TRIM55: variants seen among roughly 807,000 people sequenced by gnomAD.
TRIM55 encodes tripartite motif containing 55, also known as tripartite motif-containing protein 55.
A neutral mutation model predicts 60.9 loss-of-function variants in TRIM55; 50 were observed. That is an observed-to-expected ratio of 0.82 (90% CI 0.65 to 1.04). The LOEUF (loss-of-function observed/expected upper bound fraction) is 1.04. Ranked by LOEUF, TRIM55 falls within the 50% of genes least tolerant of loss-of-function variation. The pLI, the probability that TRIM55 is intolerant of heterozygous loss-of-function variation, is 0.00. For missense variants in TRIM55, 681 were observed against 666.9 expected, an observed-to-expected ratio of 1.02 and a Z score of -0.23; for synonymous variants, 237 against 238.1, an observed-to-expected ratio of 1.00 and a Z score of 0.04.
In TRIM55 at chr8:66,149,481, A is replaced by C. The variant is rs377086014; in HGVS notation, c.604-164A>C. Among the ~76,000 whole-genome samples, 4 of 152,250 alleles carry C rather than the reference A, an allele frequency of 2.6e-5. No homozygotes were observed. In the East Asian group the frequency reaches 5.8e-4, roughly 22 times the overall value. Reference sequence around the variant, plus strand: ...CAAATTTGTTAAAAATGGAATTTCCAAAGCACCAACATAGTGGGTATCCAT... The same window carrying C: ...CAAATTTGTTAAAAATGGAATTTCCCAAGCACCAACATAGTGGGTATCCAT... On this transcript the variant is annotated intron_variant, in intron 4 of 9. Transcript: ENST00000315962.
chr8:66,167,143 G>A (rs2128985866), intron 9 of TRIM55, among the ~76,000 whole-genome samples: 1 of 152,232 alleles, frequency 6.6e-6, no homozygotes, highest in East Asian at 1.9e-4. Context: ...CTTTCCCTTT[G>A]GACTTCTGGT....
At chr8:66,167,014 G>A (rs900707085) in intron 9 of TRIM55, among the ~76,000 whole-genome samples, 2 of 152,162 alleles carry the variant, frequency 1.3e-5, no homozygotes, top group Non-Finnish European at 2.9e-5. Flanking sequence ...CTGCAAATGA[G>A]GGCGAGCCGA....
intron 7 of TRIM55, 63 bp downstream of exon 7, chr8:66,150,529 G>A: frequency 6.3e-7 from 1 of 1,597,754 alleles, no homozygotes; most frequent in Admixed American, 1.7e-5. Flanking sequence ...CGAAGAGTTG[G>A]GTGGGAGGAA....
Position 66,154,353 on chromosome 8 carries a change from G to A in TRIM55, c.1524+19G>A, listed in dbSNP as rs367544917. The A allele has an allele frequency of 8.7e-6, 14 of 1,609,820 alleles. No homozygotes were observed. The Admixed American group carries it at 1.0e-4, about 12-fold the overall frequency. The stretch of plus-strand genomic sequence containing the variant: ...TTCTCAGGTTAGTGATGATGCACTT[G>A]TGTCTATGCTTTCCCGCGCCCCCTA... On this transcript the variant is annotated intron_variant, in intron 9 of 9. Coordinates refer to ENST00000315962, the MANE Select transcript of TRIM55 (RefSeq NM_184085.2).
At chr8:66,172,793 A>G (rs1238622692) in intron 9 of TRIM55, among the ~76,000 whole-genome samples, 1 of 152,220 alleles carries the variant, frequency 6.6e-6, no homozygotes, top group Non-Finnish European at 1.5e-5. Flanking sequence ...TGCCTTCAAG[A>G]AAAAGAGGCC....
intron 9 of TRIM55, among the ~76,000 whole-genome samples, chr8:66,169,435 C>T (rs1299942739): frequency 6.6e-6 from 1 of 152,180 alleles, no homozygotes; most frequent in Non-Finnish European, 1.5e-5. Context: ...TAAAAAAAAT[C>T]ACTCATCACA....
intron 9 of TRIM55, among the ~76,000 whole-genome samples, chr8:66,173,902 T>C (rs1811777491): frequency 6.6e-6 from 1 of 152,016 alleles, no homozygotes; most frequent in African/African-American, 2.4e-5. Flanking sequence ...TTAGATTTTA[T>C]TACCTAGAGA....
intron 2 of TRIM55, among the ~76,000 whole-genome samples, 178 bp downstream of exon 2, chr8:66,128,654 G>A (rs1808968885): frequency 6.6e-6 from 1 of 152,184 alleles, no homozygotes; most frequent in South Asian, 2.1e-4. Context: ...GCAGGAGAGA[G>A]GGGAGTTGGT....
intron 9 of TRIM55, among the ~76,000 whole-genome samples, chr8:66,161,378 G>A (rs1299063600): frequency 1.3e-5 from 2 of 152,008 alleles, no homozygotes; most frequent in African/African-American, 4.8e-5. Context: ...CTGTTCCATT[G>A]GTCTATATGC....
the TRIM55 span, among the ~76,000 whole-genome samples, chr8:66,114,265 T>C: frequency 1.3e-5 from 2 of 152,116 alleles, no homozygotes; most frequent in African/African-American, 4.8e-5. Flanking sequence ...TCCTCCAGTT[T>C]TCCTTCCTGT....
chr8:66,126,908 A>G (rs1479428131), upstream of TRIM55: 1 of 184,406 alleles, frequency 5.4e-6, no homozygotes, highest in Non-Finnish European at 1.1e-5. Context: ...TGTTGTTGAC[A>G]ACTGTCAGCT....
At chr8:66,171,030 G>A (rs1013881983) in intron 9 of TRIM55, among the ~76,000 whole-genome samples, 2 of 152,180 alleles carry the variant, frequency 1.3e-5, no homozygotes, top group African/African-American at 2.4e-5. Context: ...TGAGGTTCGT[G>A]TCTAAGTACG....
chr8:66,173,636 T>C (rs1377790238), intron 9 of TRIM55, among the ~76,000 whole-genome samples: 5 of 152,196 alleles, frequency 3.3e-5, no homozygotes, highest in Non-Finnish European at 4.4e-5. Flanking sequence ...AAGGACGGTG[T>C]TTGTCATGGT....
intron 9 of TRIM55, among the ~76,000 whole-genome samples, chr8:66,154,790 T>C (rs1402654542): frequency 1.3e-5 from 2 of 152,224 alleles, no homozygotes; most frequent in Non-Finnish European, 2.9e-5. Flanking sequence ...TTAAGTCTGT[T>C]CTGGAGAATA....
At position 66,155,496 on chromosome 8, in the gene TRIM55, C is replaced by T. The variant is rs1810685685; in HGVS notation, c.1524+1162C>T. 15 of 605,356 alleles carry T rather than the reference C, an allele frequency of 2.5e-5. 1 individual carries two copies. The South Asian group carries it at 3.3e-4, about 13-fold the overall frequency. The allele number at this position is 605,356 out of a possible 1,614,324, so 37.5% of individuals were successfully genotyped here. A position where few individuals can be genotyped will look rare whatever the true frequency, so the allele number is the denominator to read the frequency against. On this transcript the variant is annotated intron_variant, in intron 9 of 9. Coordinates refer to ENST00000315962, the MANE Select transcript of TRIM55 (RefSeq NM_184085.2). Reference sequence around the variant, plus strand: ...GTGCGGAGGGGCTGTTTTCTGAAAACAGTAGTGCACTACCCCATGAAGAGC... The same window carrying T: ...GTGCGGAGGGGCTGTTTTCTGAAAATAGTAGTGCACTACCCCATGAAGAGC...
chr8:66,164,941 GGA>G (rs1467580563), intron 9 of TRIM55, among the ~76,000 whole-genome samples: 1 of 70,888 alleles, frequency 1.4e-5, no homozygotes, highest in Non-Finnish European at 2.2e-5. Context: ...AAAGAAGGAA[GGA>G]AGGAAGGAAG....
chr8:66,173,261 C>T (rs1360621579), intron 9 of TRIM55, among the ~76,000 whole-genome samples: 2 of 152,106 alleles, frequency 1.3e-5, no homozygotes, highest in Non-Finnish European at 2.9e-5. Context: ...TATCAGGAAG[C>T]AATGTGGCAG....
intron 4 of TRIM55, among the ~76,000 whole-genome samples, chr8:66,147,461 A>C (rs1810154207): frequency 6.6e-6 from 1 of 152,140 alleles, no homozygotes; most frequent in Non-Finnish European, 1.5e-5. Flanking sequence ...CTCCATACTG[A>C]GAATAGTAGA....
chr8:66,154,172 C>T lies in TRIM55; in HGVS notation c.1362C>T (p.Thr454=), dbSNP rs372688745. The T allele has an allele frequency of 5.6e-6, 9 of 1,614,114 alleles. No individual in the cohort carries two copies. Among genetic ancestry groups the T allele is most frequent in the Non-Finnish European group, 7.6e-6 (9 of 1,180,036 alleles). Residue 454 remains threonine (T), a synonymous_variant, in exon 9 of 10, where the codon ACC becomes ACT. Coordinates refer to ENST00000315962, the MANE Select transcript of TRIM55 (RefSeq NM_184085.2). ...ATAAAGGCCAAACCCGGAAAGCCAC[C>T]ACCAACCCACCTTGCACCCCAGGGA... ...SWYKGQTRKA[T]TNPPCTPGSE...
Sources: allele counts gnomAD v4.1 joint callset (sites outside exome capture counted in the v4.1 genomes callset), GRCh38; gene constraint gnomAD v4.1.1; transcripts MANE v1.5; gene names NCBI Gene and HGNC (gene_info 2026-07-23, HGNC 2026-07-21).